ERBB4: variants seen among roughly 807,000 people sequenced by gnomAD.
ERBB4 encodes the protein erb-b2 receptor tyrosine kinase 4.
In ERBB4, 42 loss-of-function variants were observed where a neutral mutation model predicts 158.0. That is an observed-to-expected ratio of 0.27 (90% CI 0.21 to 0.34). ERBB4 has a LOEUF of 0.34. ERBB4 is among the 10% of genes least tolerant of loss of function. ERBB4 has a pLI of 1.00. For missense variants in ERBB4, 1,333 were observed against 1,624.1 expected (o/e 0.82, Z 3.08); for synonymous variants, 583 against 558.7 (o/e 1.04, Z -0.61).
chr2:212,478,143 T>G (rs529646202), intron 1 of ERBB4, among the ~76,000 whole-genome samples: 1 of 152,170 alleles, frequency 6.6e-6, no homozygotes, highest in African/African-American at 2.4e-5. Context: ...GCCAGAAAAA[T>G]TTTGTCCAAA....
chr2:211,704,935 CT>C (rs904482256), intron 10 of ERBB4, among the ~76,000 whole-genome samples: 10 of 151,738 alleles, frequency 6.6e-5, no homozygotes, highest in Non-Finnish European at 1.2e-4. Flanking sequence ...TCTTATGTAA[CT>C]TTTTTTGTTT....
intron 3 of ERBB4, among the ~76,000 whole-genome samples, chr2:211,900,055 C>T (rs73073346): frequency 0.039 from 5,889 of 152,160 alleles, 169 homozygotes; most frequent in African/African-American, 0.072. Flanking sequence ...GTGTCTTATG[C>T]CAATTCCCAC....
chr2:211,829,160 T>A (rs1335362184), intron 3 of ERBB4, among the ~76,000 whole-genome samples: 1 of 152,200 alleles, frequency 6.6e-6, no homozygotes, highest in African/African-American at 2.4e-5. Context: ...AGGATCTTGA[T>A]AATGACTTAC....
chr2:211,855,454 T>C (rs2077832568), intron 3 of ERBB4, among the ~76,000 whole-genome samples: 1 of 152,184 alleles, frequency 6.6e-6, no homozygotes. Flanking sequence ...AAAAGTTTTT[T>C]ACCTTTAACA....
At chr2:212,304,442 T>C (rs1427656938) in intron 1 of ERBB4, among the ~76,000 whole-genome samples, 1 of 150,658 alleles carries the variant, frequency 6.6e-6, no homozygotes, top group Non-Finnish European at 1.5e-5. Context: ...TGGGCTGGCC[T>C]GGGCAAATGG....
chr2:211,587,020 G>A (rs1006439637), intron 19 of ERBB4, among the ~76,000 whole-genome samples: 1 of 152,050 alleles, frequency 6.6e-6, no homozygotes, highest in Non-Finnish European at 1.5e-5. Flanking sequence ...TAAACCTATT[G>A]TAAAATCAAA....
intron 20 of ERBB4, among the ~76,000 whole-genome samples, chr2:211,464,355 A>C (rs1374841749): frequency 1.3e-5 from 2 of 152,188 alleles, no homozygotes; most frequent in East Asian, 1.9e-4. Context: ...GTGGCCTTCC[A>C]AACAGTTGGG....
intron 18 of ERBB4, among the ~76,000 whole-genome samples, chr2:211,623,684 A>C (rs531183172): frequency 6.6e-6 from 1 of 152,292 alleles, no homozygotes; most frequent in African/African-American, 2.4e-5. Context: ...TTAAGAAAAA[A>C]ACTATACTTG....
At chr2:212,373,843 GTATATATCCATGTATATATCCATATA>G (rs1560145875) in intron 1 of ERBB4, among the ~76,000 whole-genome samples, 15 of 63,214 alleles carry the variant, frequency 2.4e-4, no homozygotes, top group South Asian at 5.0e-4. Context: ...ATATATCCAT[GTATATATCCATGTATATATCCATATA>G]TATATATCCA....
chr2:211,780,000 T>C (rs2075994318), intron 4 of ERBB4, among the ~76,000 whole-genome samples: 1 of 152,178 alleles, frequency 6.6e-6, no homozygotes, highest in South Asian at 2.1e-4. Context: ...CCCTTATAAT[T>C]ATTTTTTATA....
chr2:211,782,071 TCTC>T (rs1021446496), intron 4 of ERBB4, among the ~76,000 whole-genome samples: 2 of 152,080 alleles, frequency 1.3e-5, no homozygotes, highest in African/African-American at 4.8e-5. Flanking sequence ...TTCACTAAAA[TCTC>T]CTTAAGGGGA....
chr2:211,968,786 C>T (rs575256707), intron 2 of ERBB4, among the ~76,000 whole-genome samples: 16 of 151,936 alleles, frequency 1.1e-4, no homozygotes, highest in South Asian at 8.3e-4. Context: ...TTATTGGGGA[C>T]GGGTTACATT....
chr2:211,879,608 A>G (rs2078607127), intron 3 of ERBB4, among the ~76,000 whole-genome samples: 1 of 152,208 alleles, frequency 6.6e-6, no homozygotes, highest in South Asian at 2.1e-4. Context: ...ACCCAAGATT[A>G]ATGTGTATGA....
chr2:212,441,692 T>TA (rs35216786), intron 1 of ERBB4, among the ~76,000 whole-genome samples: 16,951 of 147,776 alleles, frequency 0.11, 2,607 homozygotes, highest in African/African-American at 0.35. Context: ...CTTGGGGAGT[T>TA]AAAAAAAAAA....
chr2:212,186,807 A>G (rs1404609788), intron 1 of ERBB4, among the ~76,000 whole-genome samples: 1 of 152,194 alleles, frequency 6.6e-6, no homozygotes, highest in Non-Finnish European at 1.5e-5. Context: ...AGATAGAAGT[A>G]TGCAGCGATA....
intron 3 of ERBB4, among the ~76,000 whole-genome samples, chr2:211,906,875 G>A (rs1362740944): frequency 6.6e-6 from 1 of 151,634 alleles, no homozygotes; most frequent in Non-Finnish European, 1.5e-5. Context: ...AAGGCCTCCT[G>A]TGTTGAAGTT....
chr2:212,137,056 T>C (rs2080293243), intron 1 of ERBB4, among the ~76,000 whole-genome samples: 1 of 152,164 alleles, frequency 6.6e-6, no homozygotes, highest in Admixed American at 6.5e-5. Context: ...TCTATTATTC[T>C]AGAAACTAGA....
At chr2:212,016,140 A>T (rs2076524001) in intron 2 of ERBB4, among the ~76,000 whole-genome samples, 1 of 122,890 alleles carries the variant, frequency 8.1e-6, no homozygotes, top group African/African-American at 3.0e-5. Flanking sequence ...ATGACTAGAC[A>T]TATATATATA....
chr2:211,804,250 A>G (rs1161895144), intron 3 of ERBB4, among the ~76,000 whole-genome samples: 4 of 152,204 alleles, frequency 2.6e-5, no homozygotes, highest in African/African-American at 4.8e-5. Context: ...GGAAGGTTAA[A>G]TTATAATTTA....
Sources: allele counts gnomAD v4.1 joint callset (sites outside exome capture counted in the v4.1 genomes callset), GRCh38; gene constraint gnomAD v4.1.1; transcripts MANE v1.5; gene names NCBI Gene and HGNC (gene_info 2026-07-23, HGNC 2026-07-21).